Variants in PPP1R13B observed in about 807,000 individuals in gnomAD.
PPP1R13B encodes protein phosphatase 1 regulatory subunit 13B.
A neutral mutation model predicts 119.8 loss-of-function variants in PPP1R13B; 44 were observed. The ratio of observed to expected loss-of-function variants is 0.37; its 90% CI spans 0.29 to 0.47. The LOEUF is 0.47. Ranked by LOEUF, PPP1R13B falls within the 20% of genes least tolerant of loss-of-function variation. The probability of loss-of-function intolerance (pLI) is 0.99; values close to 1 mark genes in which losing one functional copy is unlikely to be tolerated. For synonymous variants in PPP1R13B, 542 were observed against 561.5 expected (o/e 0.97, Z 0.49); for missense variants, 1,227 against 1,413.5 (o/e 0.87, Z 2.12).
At chr14:103,751,645 C>T (rs892884679) in intron 7 of PPP1R13B, among the ~76,000 whole-genome samples, 11 of 151,964 alleles carry the variant, frequency 7.2e-5, no homozygotes, top group African/African-American at 2.4e-4. Context: ...AGGGTGGGGC[C>T]CCCCATGATG....
At chr14:103,748,066 T>TAC (rs58398068) in intron 8 of PPP1R13B, among the ~76,000 whole-genome samples, 3,652 of 138,182 alleles carry the variant, frequency 0.026, 66 homozygotes, top group East Asian at 0.06. Context: ...TTAAATCACA[T>TAC]ACACACACAC....
chr14:103,757,506 AAGAGAG>A, intron 5 of PPP1R13B, 138 bp downstream of exon 5: 1 of 693,006 alleles, frequency 1.4e-6, no homozygotes, highest in Non-Finnish European at 2.4e-6. Flanking sequence ...AGTGATAACA[AAGAGAG>A]AAAGACTGCA....
At chr14:103,837,464 C>G (rs1410249006) in intron 1 of PPP1R13B, among the ~76,000 whole-genome samples, 1 of 152,130 alleles carries the variant, frequency 6.6e-6, no homozygotes, top group African/African-American at 2.4e-5. Flanking sequence ...AGCCTGGCTG[C>G]TGAAGCAATA....
rs992636023 is a variant in PPP1R13B at position 103,779,996 on chromosome 14, A to G, written c.278-1175T>C. On this transcript the variant is annotated intron_variant, in intron 3 of 16. Transcript: ENST00000202556. Reference sequence around the variant, plus strand: ...AAACCCTGTCTCTAGTAAAATTACAAAAATTACCCAGGCGTGGTGGTGCAC... The same window carrying G: ...AAACCCTGTCTCTAGTAAAATTACAGAAATTACCCAGGCGTGGTGGTGCAC... Among the ~76,000 whole-genome samples, 26 of 152,126 alleles carry G rather than the reference A, an allele frequency of 1.7e-4. 1 individual carries two copies. The East Asian group carries it at 2.1e-3, about 12-fold the overall frequency.
chr14:103,782,826 G>A (rs1427935540), intron 3 of PPP1R13B, among the ~76,000 whole-genome samples: 1 of 148,546 alleles, frequency 6.7e-6, no homozygotes, highest in Non-Finnish European at 1.5e-5. Flanking sequence ...TTTTTGAGAT[G>A]GAGTTTCACT....
intron 4 of PPP1R13B, among the ~76,000 whole-genome samples, chr14:103,765,114 G>A (rs946424252): frequency 5.9e-5 from 9 of 152,288 alleles, no homozygotes; most frequent in Middle Eastern, 3.4e-3. Flanking sequence ...CACTGTGCCC[G>A]GCCAACACAG....
At chr14:103,848,197 G>C, upstream of PPP1R13B, 1 of 969,154 alleles carries the variant, frequency 1.0e-6, no homozygotes, top group Non-Finnish European at 1.2e-6. Flanking sequence ...CCCCGCACCA[G>C]CTCCCGAGCC....
intron 1 of PPP1R13B, among the ~76,000 whole-genome samples, chr14:103,831,978 C>T (rs569304384): frequency 6.6e-6 from 1 of 151,812 alleles, no homozygotes; most frequent in African/African-American, 2.4e-5. Context: ...TGGTGGTGTG[C>T]ACCTGTAGTC....
intron 1 of PPP1R13B, among the ~76,000 whole-genome samples, chr14:103,802,799 A>T (rs903157561): frequency 1.3e-5 from 2 of 152,158 alleles, no homozygotes; most frequent in Non-Finnish European, 2.9e-5. Flanking sequence ...ACAGGTTGTA[A>T]ATCTGGATAT....
At chr14:103,835,049 T>C (rs2086742685) in intron 1 of PPP1R13B, among the ~76,000 whole-genome samples, 1 of 152,196 alleles carries the variant, frequency 6.6e-6, no homozygotes, top group East Asian at 1.9e-4. Context: ...CTGAATCTTG[T>C]TTGCTAAGAA....
rs150805834 is a variant in PPP1R13B at position 103,842,887 on chromosome 14, G to C, written c.9+4412C>G. Among the ~76,000 whole-genome samples, 317 of 151,940 alleles carry C rather than the reference G, an allele frequency of 2.1e-3. 2 individuals carry two copies. Among genetic ancestry groups the C allele is most frequent in the African/African-American group, 6.8e-3 (280 of 41,452 alleles). On this transcript the variant is annotated intron_variant, in intron 1 of 16. Transcript: ENST00000202556. ...AGCTCCTTGGGAGGCTATGGTGGGA[G>C]AATTGCTTGAACCCGGGAGGCGGAG...
At position 103,740,308 on chromosome 14, in the gene PPP1R13B, CG is replaced by C; in HGVS notation, c.2107del (p.Arg703GlyfsTer3). 1 of 1,579,438 alleles carries C rather than the reference CG, an allele frequency of 6.3e-7. No individual in the cohort carries two copies. On this transcript the variant is annotated frameshift_variant, in exon 12 of 17. Coordinates refer to ENST00000202556, the MANE Select transcript of PPP1R13B (RefSeq NM_015316.3). LOFTEE classifies it high-confidence loss of function. The surrounding 1 kb of genome is among the most constrained non-coding windows in gnomAD (Gnocchi z 4.6). ...GATGGAGCTGCGCTTTTTCAGGGGC[CG>C]GGGCGCGTTGGCCAGCTTCCTGCGG... ...ALRRKLANAP[R>X]PLKKRSSITE...
chr14:103,789,298 A>G (rs2085553034), intron 2 of PPP1R13B, among the ~76,000 whole-genome samples: 1 of 152,030 alleles, frequency 6.6e-6, no homozygotes, highest in African/African-American at 2.4e-5. Context: ...GGCTCACTGC[A>G]ACCTCCGCCT....
intron 3 of PPP1R13B, among the ~76,000 whole-genome samples, chr14:103,780,010 G>C (rs112289072): frequency 2.0e-5 from 3 of 151,804 alleles, no homozygotes; most frequent in African/African-American, 7.3e-5. Context: ...TTACCCAGGC[G>C]TGGTGGTGCA....
At chr14:103,831,920 A>G (rs931630352) in intron 1 of PPP1R13B, among the ~76,000 whole-genome samples, 2 of 151,860 alleles carry the variant, frequency 1.3e-5, no homozygotes, top group Non-Finnish European at 2.9e-5. Context: ...TGGGTGACAG[A>G]GCAAGAATCC....
intron 1 of PPP1R13B, among the ~76,000 whole-genome samples, chr14:103,843,833 G>T (rs1249477079): frequency 1.3e-5 from 2 of 151,858 alleles, no homozygotes; most frequent in Non-Finnish European, 2.9e-5. Flanking sequence ...CACGCCTGTA[G>T]TCTGAGCTAC....
intron 1 of PPP1R13B, among the ~76,000 whole-genome samples, chr14:103,800,660 C>CAA (rs61170869): frequency 1.1e-4 from 16 of 150,268 alleles, no homozygotes; most frequent in Non-Finnish European, 1.9e-4. Context: ...CTCAAAAAAA[C>CAA]AAAAAAAACA....
In PPP1R13B at chr14:103,740,658, T is replaced by C; in HGVS notation, c.1823-65A>G. 7.5e-7 allele frequency: 1 copy of C among 1,329,418 alleles called. No individual in the cohort carries two copies. The highest frequency in any genetic ancestry group is 9.9e-7 in the Non-Finnish European group (1 of 1,013,018). 82.4% of individuals were successfully genotyped at this position (1,329,418 alleles called of 1,614,324 possible). On this transcript the variant is annotated intron_variant, in intron 11 of 16. Transcript: ENST00000202556. The surrounding 1 kb of genome is among the most constrained non-coding windows in gnomAD (Gnocchi z 4.6). Reference sequence around the variant, plus strand: ...ACAGAGATCTAGTCATACACACCTATGATTACACCAGAGACAGGCTCCTGC... The same window carrying C: ...ACAGAGATCTAGTCATACACACCTACGATTACACCAGAGACAGGCTCCTGC...
chr14:103,806,299 A>AT (rs1342102854), intron 1 of PPP1R13B, among the ~76,000 whole-genome samples: 12 of 152,192 alleles, frequency 7.9e-5, no homozygotes, highest in Non-Finnish European at 1.8e-4. Flanking sequence ...CCAATCAGGT[A>AT]AAGTATTAGA....
Sources: allele counts gnomAD v4.1 joint callset (sites outside exome capture counted in the v4.1 genomes callset), GRCh38; gene constraint gnomAD v4.1.1; non-coding constraint Gnocchi (gnomAD v3.1); transcripts MANE v1.5; gene names NCBI Gene and HGNC (gene_info 2026-07-23, HGNC 2026-07-21).